CLNK: variants seen among roughly 807,000 people sequenced by gnomAD.
CLNK encodes cytokine-dependent hematopoietic cell linker.
A neutral mutation model predicts 68.6 loss-of-function variants in CLNK; 74 were observed. The ratio of observed to expected loss-of-function variants is 1.08; its 90% CI spans 0.89 to 1.31. The LOEUF (loss-of-function observed/expected upper bound fraction) is 1.31, where lower values mean the gene tolerates loss of function less well. Ranked by LOEUF, CLNK falls within the 50% of genes most tolerant of loss-of-function variation. CLNK has a pLI of 0.00. For synonymous variants in CLNK, 198 were observed against 172.2 expected, an observed-to-expected ratio of 1.15 and a Z score of -1.17; for missense variants, 553 against 515.3, an observed-to-expected ratio of 1.07 and a Z score of -0.71.
intron 2 of CLNK, among the ~76,000 whole-genome samples, chr4:10,615,204 G>C (rs1006148139): frequency 6.6e-6 from 1 of 151,902 alleles, no homozygotes; most frequent in African/African-American, 2.4e-5. Context: ...AAGAGGCTGG[G>C]CGCGGTGGCT....
At chr4:10,533,269 A>C (rs1212924557) in intron 11 of CLNK, among the ~76,000 whole-genome samples, 2 of 152,150 alleles carry the variant, frequency 1.3e-5, no homozygotes, top group Non-Finnish European at 2.9e-5. Flanking sequence ...AAAACAAACA[A>C]ACAAACAAAC....
chr4:10,560,160 C>T (rs748442266), intron 7 of CLNK, among the ~76,000 whole-genome samples: 6 of 152,222 alleles, frequency 3.9e-5, no homozygotes, highest in Non-Finnish European at 5.9e-5. Flanking sequence ...CGTGCGTTTG[C>T]ACACTGTGTT....
chr4:10,600,194 G>A (rs1043600576), intron 2 of CLNK, among the ~76,000 whole-genome samples: 3 of 149,918 alleles, frequency 2.0e-5, no homozygotes, highest in African/African-American at 4.9e-5. Flanking sequence ...TATTCTTTTT[G>A]CCTCCTCTGG....
At chr4:10,534,224 A>C (rs1441213819) in intron 11 of CLNK, among the ~76,000 whole-genome samples, 1 of 152,160 alleles carries the variant, frequency 6.6e-6, no homozygotes, top group East Asian at 1.9e-4. Flanking sequence ...TAATCAATGG[A>C]ATTTTCACTG....
intron 3 of CLNK, among the ~76,000 whole-genome samples, chr4:10,588,951 T>C (rs150406795): frequency 2.2e-3 from 336 of 152,218 alleles, no homozygotes; most frequent in Middle Eastern, 0.021. Context: ...AATGAGGAGA[T>C]ATCAGTCAAA....
At chr4:10,622,587 G>A (rs902755891) in intron 2 of CLNK, among the ~76,000 whole-genome samples, 4 of 152,190 alleles carry the variant, frequency 2.6e-5, no homozygotes, top group African/African-American at 9.7e-5. Context: ...CCAGTTCTTT[G>A]TCAAGAAAGA....
the CLNK span, among the ~76,000 whole-genome samples, chr4:10,711,703 C>A: frequency 5.3e-5 from 8 of 152,182 alleles, no homozygotes; most frequent in Non-Finnish European, 1.5e-5. Flanking sequence ...TCCCAGAGAA[C>A]CTGGGTGACT....
chr4:10,583,930 C>A (rs189317996), intron 4 of CLNK, among the ~76,000 whole-genome samples: 9 of 152,296 alleles, frequency 5.9e-5, no homozygotes, highest in African/African-American at 2.2e-4. Flanking sequence ...CCAGGTACCA[C>A]CCCCTTAGAA....
At chr4:10,580,467 A>G (rs375099487) in intron 4 of CLNK, among the ~76,000 whole-genome samples, 8 of 152,152 alleles carry the variant, frequency 5.3e-5, no homozygotes, top group African/African-American at 1.2e-4. Context: ...AGAAGAAGTC[A>G]TTGTTATCCT....
the CLNK span, among the ~76,000 whole-genome samples, chr4:10,724,057 C>T: frequency 6.6e-6 from 1 of 152,032 alleles, no homozygotes; most frequent in South Asian, 2.1e-4. Flanking sequence ...TATTTCAGAC[C>T]AAGAGTCGAC....
Position 10,585,538 on chromosome 4 carries a change from C to T in CLNK, c.84-583G>A, listed in dbSNP as rs978517223. 5.3e-5 allele frequency among the ~76,000 whole-genome samples: 8 copies of T among 152,364 alleles called. No homozygotes were observed. In the South Asian group the frequency reaches 1.2e-3, roughly 24 times the overall value. On this transcript the variant is annotated intron_variant, in intron 3 of 18. Transcript: ENST00000226951. ...TCTGTCCATAAACCTTCTTTCACCA[C>T]GTGGCTGCACCGGAGTCTCAGCCTC...
the CLNK span, among the ~76,000 whole-genome samples, chr4:10,723,593 G>C: frequency 6.6e-6 from 1 of 152,084 alleles, no homozygotes; most frequent in Admixed American, 6.5e-5. Flanking sequence ...GGCTCTTATG[G>C]TATTATGGGA....
chr4:10,730,462 A>G, the CLNK span, among the ~76,000 whole-genome samples: 1 of 152,148 alleles, frequency 6.6e-6, no homozygotes, highest in South Asian at 2.1e-4. Flanking sequence ...GGATAAATAT[A>G]ATGACCTTGA....
chr4:10,541,222 C>CAAAAAAAAAA (rs200738466), intron 10 of CLNK, among the ~76,000 whole-genome samples: 1 of 38,388 alleles, frequency 2.6e-5, no homozygotes. Flanking sequence ...AAAAAAAAAA[C>CAAAAAAAAAA]AAAAAAAAAA....
At chr4:10,725,039 G>T in the CLNK span, among the ~76,000 whole-genome samples, 3 of 152,154 alleles carry the variant, frequency 2.0e-5, no homozygotes, top group African/African-American at 7.2e-5. Flanking sequence ...CTGTGGGTTT[G>T]TCTCTGACCT....
intron 5 of CLNK, among the ~76,000 whole-genome samples, chr4:10,571,365 G>A (rs1395115275): frequency 9.0e-5 from 10 of 111,428 alleles, no homozygotes; most frequent in South Asian, 6.1e-4. Context: ...ACAGAGTTTC[G>A]CTCTTGCCGC....
intron 10 of CLNK, among the ~76,000 whole-genome samples, chr4:10,541,587 C>CAT (rs532171076): frequency 7.3e-6 from 1 of 137,894 alleles, no homozygotes; most frequent in African/African-American, 2.5e-5. Context: ...ATATATGTGT[C>CAT]ATATATATAT....
chr4:10,523,852 C>T (rs1038995084), intron 14 of CLNK: 1 of 249,372 alleles, frequency 4.0e-6, no homozygotes, highest in Non-Finnish European at 8.2e-6. Flanking sequence ...TGGTGAGACC[C>T]CTTCTCTACA....
chr4:10,696,393 C>T, the CLNK span, among the ~76,000 whole-genome samples: 2 of 152,204 alleles, frequency 1.3e-5, no homozygotes, highest in African/African-American at 2.4e-5. Context: ...GATGTCTACG[C>T]CTTAAGCTTC....
Sources: gnomAD v4.1 joint callset for allele counts (sites outside exome capture counted in the v4.1 genomes callset) on GRCh38, gnomAD v4.1.1 for gene constraint, MANE v1.5 for transcripts, NCBI Gene and HGNC (gene_info 2026-07-23, HGNC 2026-07-21) for gene names.